The following LRRC7 variants were observed in gnomAD, a reference collection of about 807,000 sequenced individuals.
LRRC7 encodes leucine rich repeat containing 7, also known as leucine-rich repeat-containing protein 7.
In LRRC7, 23 loss-of-function variants were observed where a neutral mutation model predicts 175.7. That is an observed-to-expected ratio of 0.13 (90% CI 0.09 to 0.19). The LOEUF is 0.19. Ranked by LOEUF, LRRC7 falls within the 10% of genes least tolerant of loss-of-function variation. LRRC7 has a pLI of 1.00. For synonymous variants in LRRC7, 685 were observed against 680.9 expected (o/e 1.01, Z -0.09); for missense variants, 1,354 against 1,904.7 (o/e 0.71, Z 5.38).
chr1:69,900,330 A>T (rs1646099367), intron 7 of LRRC7, among the ~76,000 whole-genome samples: 1 of 152,228 alleles, frequency 6.6e-6, no homozygotes, highest in Non-Finnish European at 1.5e-5. Context: ...GGTCCTTATC[A>T]TAAAACCCAG....
chr1:69,907,422 T>C (rs1320092552), intron 7 of LRRC7, among the ~76,000 whole-genome samples: 1 of 152,208 alleles, frequency 6.6e-6, no homozygotes, highest in African/African-American at 2.4e-5. Context: ...CTTATTATTT[T>C]GAGATATGTC....
intron 7 of LRRC7, among the ~76,000 whole-genome samples, chr1:69,854,088 G>C (rs576687112): frequency 1.5e-3 from 229 of 152,262 alleles, no homozygotes; most frequent in Non-Finnish European, 2.9e-3. Flanking sequence ...TTGAAACAAG[G>C]ATAATTAACT....
At chr1:69,908,558 T>C (rs1646404706) in intron 7 of LRRC7, among the ~76,000 whole-genome samples, 1 of 152,116 alleles carries the variant, frequency 6.6e-6, no homozygotes. Context: ...TCAGTTTCCA[T>C]GTAGTTGAGC....
intron 1 of LRRC7, among the ~76,000 whole-genome samples, chr1:69,668,252 C>A: frequency 6.6e-6 from 1 of 151,886 alleles, no homozygotes; most frequent in East Asian, 1.9e-4. Flanking sequence ...CCCATCAACC[C>A]ATCATCTACA....
chr1:69,838,466 T>C (rs1681363739), intron 7 of LRRC7, among the ~76,000 whole-genome samples, 183 bp downstream of exon 7: 1 of 151,950 alleles, frequency 6.6e-6, no homozygotes, highest in Non-Finnish European at 1.5e-5. Context: ...TATTCTGTTT[T>C]ATAAAACTGT....
At chr1:69,798,882 A>G (rs1357335895) in intron 4 of LRRC7, among the ~76,000 whole-genome samples, 1 of 152,116 alleles carries the variant, frequency 6.6e-6, no homozygotes, top group Admixed American at 6.6e-5. Flanking sequence ...GGGTTACTAA[A>G]TATATTAATT....
At chr1:69,803,435 T>A (rs1203129753) in intron 4 of LRRC7, among the ~76,000 whole-genome samples, 1 of 151,464 alleles carries the variant, frequency 6.6e-6, no homozygotes, top group African/African-American at 2.4e-5. Context: ...AATAAAACTT[T>A]GTGACTTCCA....
chr1:70,084,345 C>T (rs1351057054), intron 24 of LRRC7, among the ~76,000 whole-genome samples: 1 of 152,168 alleles, frequency 6.6e-6, no homozygotes, highest in Admixed American at 6.5e-5. Context: ...CCTAGACAAC[C>T]ACTCATCTAC....
intron 7 of LRRC7, among the ~76,000 whole-genome samples, chr1:69,859,502 T>C (rs17131051): frequency 0.012 from 1,886 of 152,208 alleles, 34 homozygotes; most frequent in African/African-American, 0.042. Context: ...ATATTCTTTC[T>C]TCCTTTGTCA....
chr1:69,650,470 G>T (rs1655642507), intron 1 of LRRC7, among the ~76,000 whole-genome samples: 1 of 144,268 alleles, frequency 6.9e-6, no homozygotes, highest in Non-Finnish European at 1.5e-5. Context: ...AACCTGGGAG[G>T]CAGAGCTTGC....
chr1:69,922,065 A>G (rs905237361), intron 7 of LRRC7, among the ~76,000 whole-genome samples: 6 of 151,680 alleles, frequency 4.0e-5, no homozygotes, highest in African/African-American at 1.2e-4. Flanking sequence ...AGCTGGGATT[A>G]TAGGCACCTG....
At chr1:69,760,076 A>C in intron 2 of LRRC7, 115 bp from the exon 3 acceptor site, 1 of 993,718 alleles carries the variant, frequency 1.0e-6, no homozygotes, top group South Asian at 1.7e-5. Flanking sequence ...TCCTACTTTA[A>C]AGTATTCTAG....
intron 8 of LRRC7, among the ~76,000 whole-genome samples, chr1:69,966,640 C>A (rs1446631464): frequency 6.6e-6 from 1 of 152,160 alleles, no homozygotes; most frequent in East Asian, 1.9e-4. Flanking sequence ...TGGGAGACAC[C>A]CCAAATACTG....
chr1:69,753,955 G>T (rs1670126632), intron 2 of LRRC7, among the ~76,000 whole-genome samples: 1 of 151,974 alleles, frequency 6.6e-6, no homozygotes, highest in Non-Finnish European at 1.5e-5. Flanking sequence ...TTATGCAGAG[G>T]TAGCCATAGA....
chr1:69,720,842 TATG>T (rs1479285470), intron 2 of LRRC7, among the ~76,000 whole-genome samples: 1 of 151,784 alleles, frequency 6.6e-6, no homozygotes. Flanking sequence ...TATTTTTACT[TATG>T]ATAAAATACT....
At chr1:69,915,282 T>A (rs1938575) in intron 7 of LRRC7, among the ~76,000 whole-genome samples, 54,911 of 151,988 alleles carry the variant, frequency 0.36, 12,147 homozygotes, top group East Asian at 0.55. Flanking sequence ...GCCTAACAGG[T>A]CAGAGTTTCA....
intron 7 of LRRC7, among the ~76,000 whole-genome samples, chr1:69,876,344 A>G (rs781335703): frequency 3.9e-5 from 6 of 152,208 alleles, no homozygotes; most frequent in South Asian, 2.1e-4. Context: ...AAGGGAAGGC[A>G]TGTTAGGCAT....
intron 1 of LRRC7, among the ~76,000 whole-genome samples, chr1:69,651,404 A>G (rs896020647): frequency 9.2e-5 from 14 of 152,190 alleles, no homozygotes; most frequent in African/African-American, 3.1e-4. Flanking sequence ...ATCCAATTAT[A>G]TCTGCCAATT....
chr1:69,921,129 TG>T (rs1313974629), intron 7 of LRRC7, among the ~76,000 whole-genome samples: 3 of 152,106 alleles, frequency 2.0e-5, no homozygotes, highest in Non-Finnish European at 4.4e-5. Context: ...TTTTAAGATC[TG>T]GGGGGAGAAA....
Sources: allele counts gnomAD v4.1 joint callset (sites outside exome capture counted in the v4.1 genomes callset), GRCh38; gene constraint gnomAD v4.1.1; transcripts MANE v1.5; gene names NCBI Gene and HGNC (gene_info 2026-07-23, HGNC 2026-07-21).